BAG3: variants seen among roughly 807,000 people sequenced by gnomAD.
The protein encoded by BAG3 is BAG family molecular chaperone regulator 3.
In BAG3, 14 loss-of-function variants were observed where a neutral mutation model predicts 40.5. The ratio of observed to expected loss-of-function variants is 0.35; its 90% confidence interval spans 0.23 to 0.54. The LOEUF is 0.54. Ranked by LOEUF, BAG3 falls within the 20% of genes least tolerant of loss-of-function variation. The probability of loss-of-function intolerance (pLI) is 0.91; values close to 1 mark genes in which losing one functional copy is unlikely to be tolerated. For missense variants in BAG3, 788 were observed against 758.6 expected (o/e 1.04, Z -0.46); for synonymous variants, 302 against 307.8 (o/e 0.98, Z 0.20).
At chr10:119,659,814 C>T (rs1026807216) in intron 1 of BAG3, among the ~76,000 whole-genome samples, 1 of 152,186 alleles carries the variant, frequency 6.6e-6, no homozygotes, top group African/African-American at 2.4e-5. Context: ...AGGTCCTTTT[C>T]CTTGACTCTG....
In BAG3 at chr10:119,672,772, C is replaced by G. The variant is rs749471432; in HGVS notation, c.909+116C>G. 9 of 1,410,376 alleles carry G rather than the reference C, an allele frequency of 6.4e-6. No homozygotes were observed. The highest frequency in any genetic ancestry group is 3.7e-5 in the Admixed American group (2 of 53,812). The allele number at this position is 1,410,376 out of a possible 1,614,324, so 87.4% of individuals were successfully genotyped here. ...CCCTGCCTATTTAACATGCGTGTAC[C>G]TACAGGCAAGTGAGATTCGAGAAAT... On this transcript the variant is annotated intron_variant, in intron 3 of 3. Transcript: ENST00000369085. The surrounding 1 kb of genome is among the most constrained non-coding windows in gnomAD (Gnocchi z 4.8).
In BAG3 at chr10:119,672,755, A is replaced by G. The variant is rs573667579; in HGVS notation, c.909+99A>G. ...CTGGGTTCCCCCTTCATCCCTGCCT[A>G]TTTAACATGCGTGTACCTACAGGCA... On this transcript the variant is annotated intron_variant, in intron 3 of 3. Transcript: ENST00000369085. The surrounding 1 kb of genome is among the most constrained non-coding windows in gnomAD (Gnocchi z 4.8). 16 of 1,528,306 alleles carry G rather than the reference A, an allele frequency of 1.0e-5. No individual in the cohort carries two copies. In the African/African-American group the frequency reaches 1.6e-4, roughly 16 times the overall value. 94.7% of individuals were successfully genotyped at this position (1,528,306 alleles called of 1,614,324 possible).
At chr10:119,665,420 G>A (rs1408022889) in intron 1 of BAG3, among the ~76,000 whole-genome samples, 2 of 151,858 alleles carry the variant, frequency 1.3e-5, no homozygotes, top group Non-Finnish European at 2.9e-5. Context: ...GATTACAGGC[G>A]TGAGCCACCG....
intron 1 of BAG3, among the ~76,000 whole-genome samples, chr10:119,668,535 C>T (rs1372072930): frequency 1.3e-5 from 2 of 152,214 alleles, no homozygotes; most frequent in Non-Finnish European, 2.9e-5. Flanking sequence ...GGGAAAGGAC[C>T]CTCGGTGCTC....
chr10:119,662,215 G>GTTTTTTTTTTTTTTTTTTTTTT (rs367864009), intron 1 of BAG3, among the ~76,000 whole-genome samples: 1 of 90,400 alleles, frequency 1.1e-5, no homozygotes, highest in Non-Finnish European at 2.2e-5. Context: ...GCCTGGCTAT[G>GTTTTTTTTTTTTTTTTTTTTTT]TTTTTTTTTT....
At chr10:119,670,597 T>A (rs1382175087) in intron 2 of BAG3, among the ~76,000 whole-genome samples, 2 of 152,198 alleles carry the variant, frequency 1.3e-5, no homozygotes, top group African/African-American at 2.4e-5. Context: ...CATTATTTTG[T>A]TCAGTTCAAT....
intron 1 of BAG3, among the ~76,000 whole-genome samples, chr10:119,654,851 TCCTC>T (rs1237977399): frequency 3.3e-5 from 5 of 152,140 alleles, no homozygotes; most frequent in Admixed American, 1.3e-4. Flanking sequence ...AGGGAGACCT[TCCTC>T]CCTCATGGAG....
chr10:119,671,778 G>C (rs1026155611), intron 2 of BAG3, among the ~76,000 whole-genome samples: 2 of 151,692 alleles, frequency 1.3e-5, no homozygotes, highest in Non-Finnish European at 3.0e-5. Context: ...TGTGTGTTTT[G>C]TTTTGTTTTG....
At chr10:119,668,351 C>T (rs1339345125) in intron 1 of BAG3, among the ~76,000 whole-genome samples, 1 of 152,252 alleles carries the variant, frequency 6.6e-6, no homozygotes, top group East Asian at 1.9e-4. Flanking sequence ...TCTGTCCTTA[C>T]TTTTGATTGA....
At chr10:119,665,783 G>A (rs984160545) in intron 1 of BAG3, among the ~76,000 whole-genome samples, 17 of 151,804 alleles carry the variant, frequency 1.1e-4, no homozygotes, top group African/African-American at 3.9e-4. Context: ...TTTATTTAAA[G>A]CAATTTTTTG....
rs775904240 is a variant in BAG3, at chr10:119,677,093, C to T, written c.1539C>T (p.Ser513=). The change falls in exon 4 of 4, where the codon AGC becomes AGT. Residue 513 remains serine, a synonymous_variant. Transcript: ENST00000369085. ...TCCAGGTCTATGAACTCCAGCCCAG[C>T]AACCTTGAAGCAGATCAGCCACTGC... ...GQVQVYELQP[S]NLEADQPLQA... is the part of the protein sequence containing the mutation. 1 of 1,614,170 alleles carries T rather than the reference C, an allele frequency of 6.2e-7. No homozygotes were observed. The highest frequency in any genetic ancestry group is 8.5e-7 in the Non-Finnish European group (1 of 1,180,042).
intron 3 of BAG3, among the ~76,000 whole-genome samples, chr10:119,674,278 T>C (rs558077986): frequency 5.9e-5 from 9 of 152,352 alleles, no homozygotes; most frequent in African/African-American, 2.2e-4. Flanking sequence ...AATGTCTGCA[T>C]TGGCGAAAGA....
At chr10:119,658,876 G>C (rs1043235173) in intron 1 of BAG3, among the ~76,000 whole-genome samples, 2 of 152,170 alleles carry the variant, frequency 1.3e-5, no homozygotes, top group Non-Finnish European at 2.9e-5. Context: ...TGCATGCGTG[G>C]AACTCCCGGA....
intron 1 of BAG3, among the ~76,000 whole-genome samples, chr10:119,668,273 C>T (rs1847094282): frequency 6.6e-6 from 1 of 152,256 alleles, no homozygotes; most frequent in African/African-American, 2.4e-5. Flanking sequence ...GTGCCCACGC[C>T]TGCACACAAA....
At chr10:119,658,287 C>T (rs1382511440) in intron 1 of BAG3, among the ~76,000 whole-genome samples, 2 of 152,264 alleles carry the variant, frequency 1.3e-5, no homozygotes, top group Non-Finnish European at 2.9e-5. Context: ...CCCACCCTTT[C>T]AGGGTCAGTT....
chr10:119,677,277 C>A lies in BAG3; in HGVS notation c.1723C>A (p.Pro575Thr). Reference sequence around the variant, plus strand: ...AGACACCCCTGGTAACCCAGCAGCACCGTAGCCTCTGCCCTGTAAAAATCA... The same window carrying A: ...AGACACCCCTGGTAACCCAGCAGCAACGTAGCCTCTGCCCTGTAAAAATCA... ...MTDTPGNPAAP is the reference protein window; with the variant it reads ...MTDTPGNPAAT Residue 575 changes from proline (P) to threonine (T), a missense_variant, in exon 4 of 4, where the codon CCG (proline) becomes ACG (threonine). Coordinates refer to ENST00000369085, the MANE Select transcript of BAG3 (RefSeq NM_004281.4). 6.2e-7 allele frequency: 1 copy of A among 1,613,910 alleles called. No individual in the cohort carries two copies. Among genetic ancestry groups the A allele is most frequent in the East Asian group, 2.2e-5 (1 of 44,888 alleles).
At chr10:119,663,793 G>A (rs1490318398) in intron 1 of BAG3, among the ~76,000 whole-genome samples, 1 of 152,174 alleles carries the variant, frequency 6.6e-6, no homozygotes, top group African/African-American at 2.4e-5. Context: ...GCCACGCAGA[G>A]TGTCAGAGCT....
At chr10:119,657,463 C>T in intron 1 of BAG3, 1 of 461,948 alleles carries the variant, frequency 2.2e-6, no homozygotes, top group Admixed American at 2.4e-5. Context: ...CTGGCAGGGT[C>T]CACAGGCTCA....
intron 1 of BAG3, among the ~76,000 whole-genome samples, chr10:119,659,072 A>C (rs944918140): frequency 3.9e-5 from 6 of 152,204 alleles, no homozygotes; most frequent in African/African-American, 1.4e-4. Context: ...TCCCCCGACC[A>C]GTGTCCAGGT....
Sources: gnomAD v4.1 joint callset for allele counts (sites outside exome capture counted in the v4.1 genomes callset) on GRCh38, gnomAD v4.1.1 for gene constraint, Gnocchi (gnomAD v3.1) non-coding constraint, MANE v1.5 for transcripts, NCBI Gene and HGNC (gene_info 2026-07-23, HGNC 2026-07-21) for gene names.